The following RBM20 variants were observed in gnomAD, a reference collection of about 807,000 sequenced individuals.
RBM20 encodes RNA-binding protein 20.
In RBM20, 51 loss-of-function variants were observed where a neutral mutation model predicts 110.1. That is an observed-to-expected ratio of 0.46 (90% CI 0.37 to 0.59). The LOEUF is 0.59. RBM20 is among the 20% of genes least tolerant of loss of function. RBM20 has a pLI of 0.00. For synonymous variants in RBM20, 589 were observed against 618.2 expected, an observed-to-expected ratio of 0.95 and a Z score of 0.70; for missense variants, 1,512 against 1,574.9, an observed-to-expected ratio of 0.96 and a Z score of 0.68.
chr10:110,736,960 A>C (rs1388695994), intron 1 of RBM20, among the ~76,000 whole-genome samples: 13 of 151,796 alleles, frequency 8.6e-5, no homozygotes, highest in Non-Finnish European at 5.9e-5. Context: ...AGATCTCCTG[A>C]GGTCAGGAGT....
chr10:110,732,736 A>G, intron 1 of RBM20, among the ~76,000 whole-genome samples: 1 of 152,182 alleles, frequency 6.6e-6, no homozygotes, highest in East Asian at 1.9e-4. Context: ...TGCCCTGAGA[A>G]GACTGAAATC....
intron 5 of RBM20, among the ~76,000 whole-genome samples, chr10:110,786,755 C>T (rs1055127543): frequency 6.6e-6 from 1 of 152,210 alleles, no homozygotes; most frequent in Non-Finnish European, 1.5e-5. Context: ...CCTCTGTGCT[C>T]ACAACCCTGC....
chr10:110,767,537 C>T (rs1258965279), intron 1 of RBM20, among the ~76,000 whole-genome samples: 3 of 143,844 alleles, frequency 2.1e-5, no homozygotes, highest in Admixed American at 6.8e-5. Context: ...TCAGACGGGG[C>T]GGCTGCCGGG....
chr10:110,703,147 C>T (rs1862784436), intron 1 of RBM20, among the ~76,000 whole-genome samples: 2 of 151,170 alleles, frequency 1.3e-5, no homozygotes, highest in Admixed American at 6.6e-5. Context: ...GAGGCCAAGG[C>T]GGGTGGATCA....
At chr10:110,679,847 A>C (rs1014899501) in intron 1 of RBM20, among the ~76,000 whole-genome samples, 1 of 152,190 alleles carries the variant, frequency 6.6e-6, no homozygotes, top group Non-Finnish European at 1.5e-5. Context: ...AGCCAGGCAG[A>C]CAGACCCAGC....
intron 5 of RBM20, among the ~76,000 whole-genome samples, chr10:110,796,497 A>G (rs1331683478): frequency 2.0e-5 from 3 of 152,244 alleles, no homozygotes; most frequent in African/African-American, 7.2e-5. Flanking sequence ...CTTAAAAAGT[A>G]TTTCATATCA....
chr10:110,766,737 A>G (rs1267200988), intron 1 of RBM20, among the ~76,000 whole-genome samples: 2 of 151,436 alleles, frequency 1.3e-5, no homozygotes, highest in Non-Finnish European at 3.0e-5. Flanking sequence ...TTCTACACAG[A>G]CACGGCAACC....
chr10:110,803,179 A>G (rs1181988180), intron 7 of RBM20, among the ~76,000 whole-genome samples: 1 of 152,240 alleles, frequency 6.6e-6, no homozygotes, highest in Non-Finnish European at 1.5e-5. Context: ...AGGTATTATT[A>G]TCTCAGTTTT....
At chr10:110,679,424 G>A (rs1037834055) in intron 1 of RBM20, among the ~76,000 whole-genome samples, 5 of 152,044 alleles carry the variant, frequency 3.3e-5, no homozygotes, top group African/African-American at 1.2e-4. Flanking sequence ...GTCTCACTAT[G>A]TTGCCCAGGT....
chr10:110,673,651 A>T (rs1238066087), intron 1 of RBM20, among the ~76,000 whole-genome samples: 1 of 152,194 alleles, frequency 6.6e-6, no homozygotes, highest in Non-Finnish European at 1.5e-5. Context: ...AGGCGAGGAG[A>T]GCTTAGAAGG....
chr10:110,692,498 T>C (rs1023947674), intron 1 of RBM20, among the ~76,000 whole-genome samples: 5 of 152,154 alleles, frequency 3.3e-5, no homozygotes, highest in Admixed American at 1.3e-4. Context: ...TTCTTTTTGA[T>C]GCTATTATAA....
chr10:110,770,657 G>A (rs375350104), intron 1 of RBM20, among the ~76,000 whole-genome samples: 2 of 152,210 alleles, frequency 1.3e-5, no homozygotes, highest in South Asian at 4.1e-4. Flanking sequence ...AAGACCAACA[G>A]AATTTTAATT....
intron 1 of RBM20, among the ~76,000 whole-genome samples, chr10:110,645,327 A>G (rs1186984475): frequency 6.6e-6 from 1 of 152,176 alleles, no homozygotes; most frequent in Admixed American, 6.5e-5. Flanking sequence ...CGTTTGAGGA[A>G]CATACAAGTA....
At chr10:110,650,065 T>A (rs1047622120) in intron 1 of RBM20, among the ~76,000 whole-genome samples, 1 of 152,220 alleles carries the variant, frequency 6.6e-6, no homozygotes, top group African/African-American at 2.4e-5. Context: ...ACTAAAGAGC[T>A]GTACAAGATT....
chr10:110,809,274 A>T (rs959478607), intron 7 of RBM20, among the ~76,000 whole-genome samples: 11 of 151,204 alleles, frequency 7.3e-5, no homozygotes, highest in Non-Finnish European at 1.3e-4. Context: ...AATCAAGGAA[A>T]AAAAGTCGAT....
At chr10:110,797,986 A>G (rs1455369865) in intron 6 of RBM20, among the ~76,000 whole-genome samples, 1 of 152,132 alleles carries the variant, frequency 6.6e-6, no homozygotes, top group Non-Finnish European at 1.5e-5. Flanking sequence ...AACCCCCCTG[A>G]GCTAATTATA....
At position 110,770,130 on chromosome 10, in the gene RBM20, A is replaced by G. The variant is rs376931695; in HGVS notation, c.192-10671A>G. 4.0e-3 allele frequency among the ~76,000 whole-genome samples: 611 copies of G among 152,288 alleles called. 5 individuals are homozygous for G. Among genetic ancestry groups the G allele is most frequent in the African/African-American group, 0.014 (581 of 41,556 alleles). ...GGACTTGTTAGAAATGTACATGTTC[A>G]CGCTCCACCCCCAGATCTTCCGAGT... is the stretch of plus-strand genomic sequence containing the variant. On this transcript the variant is annotated intron_variant, in intron 1 of 13. Transcript: ENST00000369519.
At chr10:110,778,603 G>A (rs968355237) in intron 1 of RBM20, among the ~76,000 whole-genome samples, 7 of 152,234 alleles carry the variant, frequency 4.6e-5, no homozygotes, top group African/African-American at 7.2e-5. Flanking sequence ...TTATTGTACA[G>A]CATGCATTGT....
intron 1 of RBM20, among the ~76,000 whole-genome samples, chr10:110,703,320 G>A (rs1038319872): frequency 3.4e-4 from 52 of 151,644 alleles, no homozygotes; most frequent in African/African-American, 1.3e-3. Flanking sequence ...GGAGGTTGCA[G>A]TGAGCTCAGA....
Sources: allele counts gnomAD v4.1 joint callset (sites outside exome capture counted in the v4.1 genomes callset), GRCh38; gene constraint gnomAD v4.1.1; transcripts MANE v1.5; gene names NCBI Gene and HGNC (gene_info 2026-07-23, HGNC 2026-07-21).